Variants in LRRC7 observed in about 807,000 individuals in gnomAD.
LRRC7 encodes leucine-rich repeat-containing protein 7.
Under a neutral mutation model 175.7 loss-of-function variants are expected in LRRC7, and 23 were observed. The ratio of observed to expected loss-of-function variants is 0.13; its 90% confidence interval spans 0.09 to 0.19. The LOEUF (loss-of-function observed/expected upper bound fraction) is 0.19. LRRC7 is among the 10% of genes least tolerant of loss of function. The pLI, the probability that LRRC7 is intolerant of heterozygous loss-of-function variation, is 1.00. For synonymous variants in LRRC7, 685 were observed against 680.9 expected (o/e 1.01, Z -0.09); for missense variants, 1,354 against 1,904.7 (o/e 0.71, Z 5.38).
At chr1:70,083,117 G>C (rs1362306218) in intron 24 of LRRC7, among the ~76,000 whole-genome samples, 1 of 151,966 alleles carries the variant, frequency 6.6e-6, no homozygotes, top group East Asian at 1.9e-4. Flanking sequence ...ATTTAACTAG[G>C]AATTTTAGCT....
At chr1:69,797,316 A>G (rs1219012502) in intron 4 of LRRC7, among the ~76,000 whole-genome samples, 2 of 152,284 alleles carry the variant, frequency 1.3e-5, no homozygotes, top group South Asian at 4.1e-4. Flanking sequence ...TGACTACCTC[A>G]TATCAAGTTT....
intron 5 of LRRC7, 113 bp downstream of exon 5, chr1:69,825,939 C>A: frequency 5.5e-6 from 3 of 546,702 alleles, no homozygotes; most frequent in East Asian, 3.6e-5. Context: ...ATTGACATAG[C>A]ATTTAATAGA....
intron 7 of LRRC7, among the ~76,000 whole-genome samples, chr1:69,909,336 C>T (rs544517455): frequency 2.0e-5 from 3 of 152,160 alleles, no homozygotes; most frequent in African/African-American, 4.8e-5. Flanking sequence ...TTATTTTGCT[C>T]GTTAGTTGAT....
intron 26 of LRRC7, among the ~76,000 whole-genome samples, chr1:70,111,615 T>C (rs1665533254): frequency 6.6e-6 from 1 of 152,218 alleles, no homozygotes; most frequent in African/African-American, 2.4e-5. Context: ...GTCTAATTCA[T>C]TATACATTTT....
At chr1:69,843,968 T>C (rs1413747082) in intron 7 of LRRC7, among the ~76,000 whole-genome samples, 3 of 152,146 alleles carry the variant, frequency 2.0e-5, no homozygotes, top group African/African-American at 4.8e-5. Flanking sequence ...ATATCACTAT[T>C]AATTTCCTGA....
rs532078463 is a variant in LRRC7, at chr1:69,994,689, A to G, written c.1004+56A>G. 16 of 1,173,526 alleles carry G rather than the reference A, an allele frequency of 1.4e-5. No individual in the cohort carries two copies. The East Asian group carries it at 3.8e-4, about 28-fold the overall frequency. The allele number at this position is 1,173,526 out of a possible 1,614,324, so 72.7% of individuals were successfully genotyped here. On this transcript the variant is annotated intron_variant, in intron 11 of 26. Coordinates refer to ENST00000651989, the MANE Select transcript of LRRC7 (RefSeq NM_001370785.2). ...TCTCAAAAGCCAGAAACTAAAGGATATATTGAGTTTTCTAATTCAAAACAT... is the reference window on the plus strand; with the variant it reads ...TCTCAAAAGCCAGAAACTAAAGGATGTATTGAGTTTTCTAATTCAAAACAT...
intron 20 of LRRC7, among the ~76,000 whole-genome samples, chr1:70,037,452 T>C (rs1342406099): frequency 6.6e-5 from 10 of 152,332 alleles, no homozygotes; most frequent in Admixed American, 2.0e-4. Flanking sequence ...GGTACAAACA[T>C]GTCAGTGATC....
chr1:69,582,109 C>T (rs1227223266), intron 1 of LRRC7, among the ~76,000 whole-genome samples: 4 of 152,114 alleles, frequency 2.6e-5, no homozygotes, highest in African/African-American at 9.7e-5. Context: ...TCATTTAAGA[C>T]ATGCTGTAAA....
chr1:69,726,545 G>T (rs187981623), intron 2 of LRRC7, among the ~76,000 whole-genome samples: 1 of 152,244 alleles, frequency 6.6e-6, no homozygotes, highest in East Asian at 1.9e-4. Flanking sequence ...TATCCAGGTA[G>T]CAATACTATG....
chr1:70,071,724 C>T (rs559236218), intron 23 of LRRC7, among the ~76,000 whole-genome samples: 61 of 152,150 alleles, frequency 4.0e-4, no homozygotes, highest in Non-Finnish European at 7.5e-4. Context: ...TTCTCAGTGG[C>T]GTAAATTGTA....
chr1:69,750,839 A>G (rs1039078810), intron 2 of LRRC7, among the ~76,000 whole-genome samples: 1 of 152,166 alleles, frequency 6.6e-6, no homozygotes, highest in Non-Finnish European at 1.5e-5. Context: ...TGACTTAGTC[A>G]CTTCTCAGAA....
chr1:70,025,452 C>T (rs961209483), intron 17 of LRRC7, among the ~76,000 whole-genome samples: 1 of 151,830 alleles, frequency 6.6e-6, no homozygotes, highest in African/African-American at 2.4e-5. Flanking sequence ...TATGTTTAGA[C>T]ATATACAGAG....
At chr1:69,713,242 T>C (rs1004610468) in intron 2 of LRRC7, among the ~76,000 whole-genome samples, 1 of 152,090 alleles carries the variant, frequency 6.6e-6, no homozygotes, top group Admixed American at 6.5e-5. Flanking sequence ...TCCCAGCACT[T>C]TGGGGGGCCA....
At chr1:69,815,663 T>C (rs1276647808) in intron 4 of LRRC7, among the ~76,000 whole-genome samples, 1 of 152,188 alleles carries the variant, frequency 6.6e-6, no homozygotes, top group African/African-American at 2.4e-5. Context: ...AAACAAAAAA[T>C]GTACTTCAAG....
chr1:70,055,016 C>A (rs905747871), intron 23 of LRRC7, among the ~76,000 whole-genome samples: 10 of 152,234 alleles, frequency 6.6e-5, no homozygotes, highest in Admixed American at 6.5e-4. Flanking sequence ...TTCAATACTT[C>A]AAAAATGCAT....
At chr1:69,841,377 A>G (rs760813661) in intron 7 of LRRC7, among the ~76,000 whole-genome samples, 3 of 152,080 alleles carry the variant, frequency 2.0e-5, no homozygotes, top group Non-Finnish European at 4.4e-5. Context: ...TATTGATCAC[A>G]GAGACCAAAT....
At chr1:69,972,769 T>C (rs1652376653) in intron 8 of LRRC7, among the ~76,000 whole-genome samples, 1 of 151,882 alleles carries the variant, frequency 6.6e-6, no homozygotes, top group African/African-American at 2.4e-5. Flanking sequence ...CACTACTGGG[T>C]ATCTACCCAG....
At position 69,582,606 on chromosome 1, in the gene LRRC7, G is replaced by A. The variant is rs972844692; in HGVS notation, c.2+13965G>A. ...GGAACAAATGGTTAAGCATCCATCT[G>A]GTATAAGTGGCTCAGTGATGCCATC... On this transcript the variant is annotated intron_variant, in intron 1 of 26. Coordinates refer to ENST00000651989, the MANE Select transcript of LRRC7 (RefSeq NM_001370785.2). Among the ~76,000 whole-genome samples the A allele has an allele frequency of 4.6e-5, 7 of 152,160 alleles. No individual in the cohort carries two copies. In the East Asian group the frequency reaches 1.3e-3, roughly 29 times the overall value.
intron 2 of LRRC7, among the ~76,000 whole-genome samples, chr1:69,754,075 G>A (rs757539999): frequency 6.6e-6 from 1 of 152,024 alleles, no homozygotes. Flanking sequence ...GCCAGGTTGT[G>A]CAATGGGGCT....
Sources: allele counts gnomAD v4.1 joint callset (sites outside exome capture counted in the v4.1 genomes callset), GRCh38; gene constraint gnomAD v4.1.1; transcripts MANE v1.5; gene names NCBI Gene and HGNC (gene_info 2026-07-23, HGNC 2026-07-21).